The following MID1 variants were observed in gnomAD, a reference collection of about 807,000 sequenced individuals.
The protein encoded by MID1 is E3 ubiquitin-protein ligase Midline-1.
Under a neutral mutation model 40.4 loss-of-function variants are expected in MID1, and 7 were observed. The ratio of observed to expected loss-of-function variants is 0.17; its 90% confidence interval spans 0.10 to 0.33. The LOEUF (loss-of-function observed/expected upper bound fraction) is 0.33, where lower values mean the gene tolerates loss of function less well. Among genes scored for constraint, MID1 ranks in the 10% least tolerant of loss-of-function variants. The pLI is 1.00. For synonymous variants in MID1, 229 were observed against 221.2 expected (o/e 1.04, Z -0.31); for missense variants, 367 against 558.5 (o/e 0.66, Z 3.46).
chrX:10,470,881 G>GA (rs1258805253), intron 6 of MID1, among the ~76,000 whole-genome samples: 3 of 112,181 alleles, frequency 2.7e-5, no homozygotes, highest in African/African-American at 9.7e-5. Flanking sequence ...TAATATTTTA[G>GA]AGGGAGGGGT....
At chrX:10,825,828 C>T (rs904149052) in intron 1 of MID1, among the ~76,000 whole-genome samples, 1 of 111,511 alleles carries the variant, frequency 9.0e-6, no homozygotes, top group Non-Finnish European at 1.9e-5. Context: ...TTGAAAATAG[C>T]TCTTCTCCCT....
chrX:10,563,741 G>A (rs886341102), intron 2 of MID1, among the ~76,000 whole-genome samples: 1 of 111,764 alleles, frequency 8.9e-6, no homozygotes, highest in Non-Finnish European at 1.9e-5. Context: ...GTCTCCGAAA[G>A]CGTTAGATTA....
Position 10,567,565 on chromosome X carries a change from T to C in MID1, c.-18A>G. 2 of 1,211,036 alleles carry C rather than the reference T, an allele frequency of 1.7e-6. No homozygotes were observed. The highest frequency in any genetic ancestry group is 1.7e-5 in the African/African-American group (1 of 57,834). ...GTTTCCATCTTCAGGCAAAGCTCTCTTGTGTCATCAGCAAAACCCAAGGAA... is the reference window on the plus strand; with the variant it reads ...GTTTCCATCTTCAGGCAAAGCTCTCCTGTGTCATCAGCAAAACCCAAGGAA... On this transcript the variant is annotated 5_prime_UTR_variant, in exon 2 of 10. Transcript: ENST00000317552.
intron 1 of MID1, among the ~76,000 whole-genome samples, chrX:10,817,807 C>T (rs977145878): frequency 6.4e-5 from 7 of 109,068 alleles, no homozygotes; most frequent in Non-Finnish European, 1.1e-4. Context: ...TTAGTAGAGA[C>T]GGGGTTTTGC....
chrX:10,552,594 G>GTT (rs753329517), intron 2 of MID1, among the ~76,000 whole-genome samples: 33 of 105,948 alleles, frequency 3.1e-4, no homozygotes, highest in African/African-American at 1.1e-3. Flanking sequence ...TTTTTTAATT[G>GTT]TTTTTTTTTC....
intron 1 of MID1, among the ~76,000 whole-genome samples, chrX:10,613,738 G>T (rs772459014): frequency 0.013 from 745 of 56,795 alleles, 1 homozygote; most frequent in African/African-American, 0.021. Context: ...TATATAGAGA[G>T]AGAGAGAGAG....
intron 1 of MID1, among the ~76,000 whole-genome samples, chrX:10,702,895 G>A (rs2043201579): frequency 9.0e-6 from 1 of 111,694 alleles, no homozygotes; most frequent in Non-Finnish European, 1.9e-5. Context: ...AGAGACACCA[G>A]AGAGCTTGTT....
intron 1 of MID1, among the ~76,000 whole-genome samples, chrX:10,714,984 C>T (rs958169950): frequency 3.6e-5 from 4 of 112,557 alleles, no homozygotes; most frequent in African/African-American, 1.3e-4. Flanking sequence ...GTATACTGTA[C>T]ATATTGCAGT....
At chrX:10,734,235 C>T (rs780933714) in intron 1 of MID1, among the ~76,000 whole-genome samples, 70 of 111,882 alleles carry the variant, frequency 6.3e-4, no homozygotes, top group Non-Finnish European at 9.6e-4. Context: ...ATGTATTTTG[C>T]GGGAACATGG....
chrX:10,589,363 C>G (rs1014422143), intron 1 of MID1, among the ~76,000 whole-genome samples: 6 of 110,922 alleles, frequency 5.4e-5, no homozygotes, highest in Non-Finnish European at 1.1e-4. Flanking sequence ...CAATTCAAAC[C>G]AAGTCAAAAC....
intron 1 of MID1, among the ~76,000 whole-genome samples, chrX:10,682,508 T>G (rs1181636938): frequency 1.8e-5 from 2 of 111,477 alleles, no homozygotes; most frequent in African/African-American, 3.3e-5. Flanking sequence ...ATTTTTCATT[T>G]GTGTAACACA....
intron 1 of MID1, among the ~76,000 whole-genome samples, chrX:10,644,455 C>G (rs1239846575): frequency 1.8e-5 from 2 of 110,286 alleles, no homozygotes; most frequent in East Asian, 5.8e-4. Flanking sequence ...TGGTTCCCAC[C>G]ACGACATTTC....
intron 1 of MID1, among the ~76,000 whole-genome samples, chrX:10,642,627 T>C (rs1241352895): frequency 3.6e-5 from 4 of 110,592 alleles, no homozygotes; most frequent in Non-Finnish European, 7.6e-5. Context: ...CCCATCAAGC[T>C]ATCAATGACT....
intron 1 of MID1, among the ~76,000 whole-genome samples, chrX:10,817,376 G>C (rs2044142247): frequency 9.0e-6 from 1 of 111,335 alleles, no homozygotes; most frequent in Admixed American, 9.5e-5. Flanking sequence ...GAATCTAAGA[G>C]GAACATAAAG....
At chrX:10,647,131 C>G (rs189305113) in intron 1 of MID1, among the ~76,000 whole-genome samples, 98 of 111,446 alleles carry the variant, frequency 8.8e-4, no homozygotes, top group African/African-American at 3.1e-3. Flanking sequence ...ACCTCTCAAG[C>G]TACACAACCA....
At chrX:10,682,130 A>AC in intron 1 of MID1, among the ~76,000 whole-genome samples, 1 of 110,427 alleles carries the variant, frequency 9.1e-6, no homozygotes, top group East Asian at 2.8e-4. Context: ...ACATAGTGAG[A>AC]CCCCATCTCA....
At chrX:10,588,418 C>G (rs949337373) in intron 1 of MID1, among the ~76,000 whole-genome samples, 3 of 111,461 alleles carry the variant, frequency 2.7e-5, no homozygotes, top group African/African-American at 9.8e-5. Flanking sequence ...AGGAAGGCCT[C>G]AGTGCTCTTG....
At chrX:10,656,366 C>T in intron 1 of MID1, among the ~76,000 whole-genome samples, 1 of 112,142 alleles carries the variant, frequency 8.9e-6, no homozygotes, top group Non-Finnish European at 1.9e-5. Context: ...AATGCCCACA[C>T]CTGTCAGGTT....
intron 1 of MID1, among the ~76,000 whole-genome samples, chrX:10,646,231 G>A (rs1936260262): frequency 2.7e-5 from 3 of 111,844 alleles, no homozygotes; most frequent in African/African-American, 9.8e-5. Flanking sequence ...AATGTTGATG[G>A]GTGTGCAATT....
Sources: gnomAD v4.1 joint callset for allele counts (sites outside exome capture counted in the v4.1 genomes callset) on GRCh38, gnomAD v4.1.1 for gene constraint, MANE v1.5 for transcripts, NCBI Gene and HGNC (gene_info 2026-07-23, HGNC 2026-07-21) for gene names.